AUTS2: variants seen among roughly 807,000 people sequenced by gnomAD.
AUTS2 encodes activator of transcription and developmental regulator AUTS2, also known as autism susceptibility gene 2 protein.
In AUTS2, 17 loss-of-function variants were observed where a neutral mutation model predicts 112.4. The observed-to-expected ratio is 0.15, with a 90% CI of 0.10 to 0.23. The LOEUF (loss-of-function observed/expected upper bound fraction) is 0.23, where lower values mean the gene tolerates loss of function less well. Ranked by LOEUF, AUTS2 falls within the 10% of genes least tolerant of loss-of-function variation. The pLI, the probability that AUTS2 is intolerant of heterozygous loss-of-function variation, is 1.00. For synonymous variants in AUTS2, 751 were observed against 702.7 expected (o/e 1.07, Z -1.09); for missense variants, 1,510 against 1,701.6 (o/e 0.89, Z 1.98).
chr7:70,241,364 A>G (rs1279615144), intron 4 of AUTS2, among the ~76,000 whole-genome samples: 1 of 152,182 alleles, frequency 6.6e-6, no homozygotes, highest in East Asian at 1.9e-4. Flanking sequence ...AACTCACTCT[A>G]TGCCTTATCT....
intron 5 of AUTS2, among the ~76,000 whole-genome samples, chr7:70,444,627 A>G (rs1204387934): frequency 1.3e-5 from 2 of 152,148 alleles, no homozygotes; most frequent in East Asian, 1.9e-4. Context: ...TCTCTTTTAT[A>G]CAGGTTAGAG....
intron 5 of AUTS2, among the ~76,000 whole-genome samples, chr7:70,465,703 G>A (rs930480661): frequency 3.3e-5 from 5 of 152,154 alleles, no homozygotes; most frequent in Non-Finnish European, 7.3e-5. Context: ...GATTGGGTGG[G>A]TGTCCCTCTG....
At chr7:70,484,631 C>T (rs906348660) in intron 5 of AUTS2, among the ~76,000 whole-genome samples, 2 of 152,154 alleles carry the variant, frequency 1.3e-5, no homozygotes, top group Admixed American at 1.3e-4. Context: ...TGTGAAAGGT[C>T]TTCTTGCTCT....
At position 69,609,556 on chromosome 7, in the gene AUTS2, A is replaced by G. The variant is rs79053690; in HGVS notation, c.309+9594A>G. ...AAAATAATTATTTGGAAGTAAGATG[A>G]CCTTAATGTGGCCCATGTAAAATTT... is the stretch of plus-strand genomic sequence containing the variant. On this transcript the variant is annotated intron_variant, in intron 1 of 18. Coordinates refer to ENST00000342771, the MANE Select transcript of AUTS2 (RefSeq NM_015570.4). Among the ~76,000 whole-genome samples the G allele has an allele frequency of 9.2e-5, 14 of 152,336 alleles. No individual in the cohort carries two copies. In the East Asian group the frequency reaches 2.7e-3, roughly 29 times the overall value.
chr7:70,740,612 T>G (rs147485587), intron 6 of AUTS2, among the ~76,000 whole-genome samples: 1 of 152,180 alleles, frequency 6.6e-6, no homozygotes, highest in Non-Finnish European at 1.5e-5. Flanking sequence ...TCTTCCAAAT[T>G]CTGCTTATTG....
rs779728253 is a variant in AUTS2 at position 70,781,660 on chromosome 7, C to G, written c.2050C>G (p.Pro684Ala). 1.2e-6 allele frequency: 2 copies of G among 1,614,160 alleles called. No individual in the cohort carries two copies. The highest frequency in any genetic ancestry group is 1.7e-6 in the Non-Finnish European group (2 of 1,180,028). Residue 684 changes from proline (P) to alanine (A), a missense_variant, in exon 15 of 19, where the codon CCT becomes GCT. Physicochemically the swap from Pro to Ala is conservative, Grantham distance 27. Around this residue, in one of 3 missense-constraint regions of AUTS2, gnomAD observed 187 missense variants for 309.7 expected, o/e 0.60. Coordinates refer to ENST00000342771, the MANE Select transcript of AUTS2 (RefSeq NM_015570.4). ...ACATAAGCTGGACTTTGGACTGAAA[C>G]CTGAGTTCCTGAGCCGCCCTCCAGG... ...DPHKLDFGLK[P>A]EFLSRPPGPS...
At chr7:69,685,257 C>T (rs971971767) in intron 1 of AUTS2, among the ~76,000 whole-genome samples, 5 of 152,184 alleles carry the variant, frequency 3.3e-5, no homozygotes, top group Admixed American at 3.3e-4. Context: ...CATTTTGGGG[C>T]ATGAAATGAT....
chr7:70,495,532 C>T (rs1798421484), intron 5 of AUTS2, among the ~76,000 whole-genome samples: 1 of 151,910 alleles, frequency 6.6e-6, no homozygotes, highest in South Asian at 2.1e-4. Flanking sequence ...TTTCCGCCAC[C>T]CTACACATAG....
chr7:69,729,176 T>C (rs562877360), intron 1 of AUTS2, among the ~76,000 whole-genome samples: 2 of 152,204 alleles, frequency 1.3e-5, no homozygotes, highest in African/African-American at 2.4e-5. Flanking sequence ...TTTAAACTCA[T>C]TTATAGGATA....
chr7:70,654,923 C>T (rs1168447673), intron 5 of AUTS2, among the ~76,000 whole-genome samples: 2 of 152,192 alleles, frequency 1.3e-5, no homozygotes, highest in Non-Finnish European at 2.9e-5. Context: ...AGCCTCTCTC[C>T]TTGACAGTCA....
At chr7:69,604,497 C>T (rs201270936) in intron 1 of AUTS2, among the ~76,000 whole-genome samples, 3 of 152,122 alleles carry the variant, frequency 2.0e-5, no homozygotes, top group Admixed American at 1.3e-4. Flanking sequence ...ATCAACTAAG[C>T]GCCATAGGCT....
intron 1 of AUTS2, among the ~76,000 whole-genome samples, chr7:69,872,794 G>A (rs570260125): frequency 1.4e-5 from 2 of 142,644 alleles, no homozygotes; most frequent in South Asian, 4.7e-4. Flanking sequence ...CCAGGAAGTT[G>A]ACTTTCACAT....
chr7:70,216,106 T>C (rs1811152332), intron 4 of AUTS2, among the ~76,000 whole-genome samples: 1 of 152,244 alleles, frequency 6.6e-6, no homozygotes, highest in Non-Finnish European at 1.5e-5. Context: ...TGAAGATCTT[T>C]GTAGATTTTT....
chr7:69,750,286 T>C (rs1383672528), intron 1 of AUTS2, among the ~76,000 whole-genome samples: 1 of 151,670 alleles, frequency 6.6e-6, no homozygotes, highest in Non-Finnish European at 1.5e-5. Flanking sequence ...CATGAGAAGG[T>C]GGAGGGAATG....
chr7:70,243,222 A>G (rs1812714664), intron 4 of AUTS2, among the ~76,000 whole-genome samples: 1 of 147,546 alleles, frequency 6.8e-6, no homozygotes, highest in Non-Finnish European at 1.5e-5. Flanking sequence ...GAGAGGAAAG[A>G]ATGTATCCTT....
intron 6 of AUTS2, among the ~76,000 whole-genome samples, chr7:70,729,398 G>C (rs73443101): frequency 0.013 from 2,033 of 152,260 alleles, 45 homozygotes; most frequent in African/African-American, 0.046. Context: ...CACACTTCAT[G>C]ATGCCCAGTT....
chr7:70,296,643 G>A (rs1363668143), intron 4 of AUTS2, among the ~76,000 whole-genome samples: 1 of 152,126 alleles, frequency 6.6e-6, no homozygotes, highest in Non-Finnish European at 1.5e-5. Context: ...ATTATTGTGT[G>A]TGTAACTTTA....
chr7:69,733,918 C>T (rs1044317203), intron 1 of AUTS2, among the ~76,000 whole-genome samples: 6 of 152,106 alleles, frequency 3.9e-5, no homozygotes, highest in African/African-American at 7.2e-5. Context: ...ATGTTAAAGT[C>T]AGCGTAGTTC....
chr7:70,677,927 C>G lies in AUTS2; in HGVS notation c.691-20642C>G, dbSNP rs369139839. On this transcript the variant is annotated intron_variant, in intron 5 of 18. Coordinates refer to ENST00000342771, the MANE Select transcript of AUTS2 (RefSeq NM_015570.4). Reference sequence around the variant, plus strand: ...TGAAACCCCGTCTCTACTAAAAATACAAAAAATTAGCCAGGCGTGGTGGCG... The same window carrying G: ...TGAAACCCCGTCTCTACTAAAAATAGAAAAAATTAGCCAGGCGTGGTGGCG... 3.0e-4 allele frequency among the ~76,000 whole-genome samples: 46 copies of G among 152,056 alleles called. No homozygotes were observed. The East Asian group carries it at 4.3e-3, about 14-fold the overall frequency.
Sources: allele counts gnomAD v4.1 joint callset (sites outside exome capture counted in the v4.1 genomes callset), GRCh38; gene constraint gnomAD v4.1.1; regional missense constraint gnomAD v4.1.1; transcripts MANE v1.5; gene names NCBI Gene and HGNC (gene_info 2026-07-23, HGNC 2026-07-21).